Variants in UBN2 observed in about 807,000 individuals in gnomAD.
The protein encoded by UBN2 is ubinuclein-2.
Under a neutral mutation model 120.2 loss-of-function variants are expected in UBN2, and 35 were observed. That is an observed-to-expected ratio of 0.29 (90% confidence interval 0.22 to 0.39). The LOEUF is 0.39. UBN2 is among the 10% of genes least tolerant of loss of function. The probability of loss-of-function intolerance (pLI) is 1.00; values close to 1 mark genes in which losing one functional copy is unlikely to be tolerated. For missense variants in UBN2, 1,693 were observed against 1,663.2 expected (o/e 1.02, Z -0.31); for synonymous variants, 661 against 648.7 (o/e 1.02, Z -0.29).
chr7:139,317,411 C>T, the UBN2 span, among the ~76,000 whole-genome samples: 96 of 152,038 alleles, frequency 6.3e-4, 3 homozygotes, highest in African/African-American at 2.1e-3. Context: ...TTTAAAACTT[C>T]ACGTTTTTTC....
chr7:139,313,958 C>G, the UBN2 span, among the ~76,000 whole-genome samples: 1 of 151,472 alleles, frequency 6.6e-6, no homozygotes, highest in Non-Finnish European at 1.5e-5. Flanking sequence ...AAGTGATTCT[C>G]TTGCCTCAGC....
rs1448233984 is a variant in UBN2 at position 139,302,182 on chromosome 7, C to T, written c.*4346C>T. ...AGGGGATTCAGGAGGAAGAATCTCA[C>T]ACTTGTCAACATCATGTCATGCTGT... is the stretch of plus-strand genomic sequence containing the variant. On this transcript the variant is annotated 3_prime_UTR_variant, in exon 18 of 18. Coordinates refer to ENST00000473989, the MANE Select transcript of UBN2 (RefSeq NM_173569.4). 1 of 152,166 alleles carries T rather than the reference C, an allele frequency of 6.6e-6. No individual in the cohort carries two copies. The highest frequency in any genetic ancestry group is 1.9e-4 in the East Asian group (1 of 5,200). 9.4% of individuals were successfully genotyped at this position (152,166 alleles called of 1,614,324 possible).
intron 15 of UBN2, among the ~76,000 whole-genome samples, chr7:139,285,733 A>ATT (rs1334806579): frequency 1.3e-5 from 2 of 151,674 alleles, no homozygotes; most frequent in African/African-American, 2.4e-5. Context: ...AGAACTCTTT[A>ATT]TTATATATAT....
intron 13 of UBN2, 151 bp from the exon 14 acceptor site, chr7:139,281,854 C>T: frequency 1.6e-6 from 1 of 613,696 alleles, no homozygotes; most frequent in Non-Finnish European, 2.9e-6. Flanking sequence ...TTCTTCTTAG[C>T]AGACATTTGT....
chr7:139,276,257 T>A, intron 12 of UBN2, 110 bp downstream of exon 12: 2 of 1,024,414 alleles, frequency 2.0e-6, no homozygotes, highest in Non-Finnish European at 3.0e-6. Context: ...AAAGATCATT[T>A]TGACCATTGA....
rs767645821 is a variant in UBN2, at chr7:139,283,004, C to T, written c.2119-20C>T. ...TTTATTCACCATTTCTATTTTTTTCCATATGATGCTTTACATTAGGAGTGT... is the reference window on the plus strand; with the variant it reads ...TTTATTCACCATTTCTATTTTTTTCTATATGATGCTTTACATTAGGAGTGT... On this transcript the variant is annotated intron_variant, in intron 14 of 17. Transcript: ENST00000473989. 78 of 1,446,826 alleles carry T rather than the reference C, an allele frequency of 5.4e-5. No homozygotes were observed. The highest frequency in any genetic ancestry group is 9.5e-5 in the South Asian group (6 of 63,260). The allele number at this position is 1,446,826 out of a possible 1,614,324, so 89.6% of individuals were successfully genotyped here.
chr7:139,252,481 C>A (rs573627672), intron 3 of UBN2, among the ~76,000 whole-genome samples: 4 of 152,118 alleles, frequency 2.6e-5, no homozygotes, highest in Admixed American at 6.6e-5. Flanking sequence ...ATTTAAATTT[C>A]ATATAATTTT....
chr7:139,231,288 G>A lies in UBN2; in HGVS notation c.-197G>A, dbSNP rs1187184722. Among the ~76,000 whole-genome samples, 2 of 152,252 alleles carry A rather than the reference G, an allele frequency of 1.3e-5. No individual in the cohort carries two copies. The highest frequency in any genetic ancestry group is 2.9e-5 in the Non-Finnish European group (2 of 68,052). On this transcript the variant is annotated 5_prime_UTR_variant, in exon 1 of 18. Coordinates refer to ENST00000473989, the MANE Select transcript of UBN2 (RefSeq NM_173569.4). ...ACATGGCGGCCGCGGCGACCCTGGC[G>A]ATGGCGGTGAAGCCCATCAGAACGT...
At chr7:139,266,425 A>T (rs1434706068) in intron 7 of UBN2, 22 bp downstream of exon 7, 2 of 1,381,552 alleles carry the variant, frequency 1.4e-6, no homozygotes, top group African/African-American at 2.9e-5. Flanking sequence ...TCTTTAAAAA[A>T]AAAAACCTTA....
rs370546913 is a variant in UBN2, at chr7:139,304,706, GGTGTGTGTGTGTGTGTGTGTGTGT to G, written c.*6881_*6904del. 7.1e-6 allele frequency: 1 copy of G among 140,390 alleles called. No individual in the cohort carries two copies. The highest frequency in any genetic ancestry group is 2.6e-5 in the African/African-American group (1 of 38,034). The allele number at this position is 140,390 out of a possible 1,614,324, so 8.7% of individuals were successfully genotyped here. A position where few individuals can be genotyped will look rare whatever the true frequency, so the allele number is the denominator to read the frequency against. ...AGGTCCACTGAATCTCTAATGATAG[GGTGTGTGTGTGTGTGTGTGTGTGT>G]GTGTGTGTGTCTGTAAGTCACTTTT... On this transcript the variant is annotated 3_prime_UTR_variant, in exon 18 of 18. Transcript: ENST00000473989.
the UBN2 span, among the ~76,000 whole-genome samples, chr7:139,326,885 T>A: frequency 6.6e-6 from 1 of 152,168 alleles, no homozygotes; most frequent in South Asian, 2.1e-4. Context: ...CCTGGGATTG[T>A]TTTCACTGAA....
chr7:139,289,101 A>G (rs577472592), intron 15 of UBN2, among the ~76,000 whole-genome samples: 32 of 152,006 alleles, frequency 2.1e-4, no homozygotes, highest in African/African-American at 7.5e-4. Context: ...CACGGAAAGT[A>G]TTTTTGATTA....
chr7:139,264,064 G>C (rs1291943296), intron 6 of UBN2, among the ~76,000 whole-genome samples: 1 of 152,140 alleles, frequency 6.6e-6, no homozygotes, highest in African/African-American at 2.4e-5. Context: ...TTTATGACCT[G>C]TGATGATTAT....
At chr7:139,235,525 G>A (rs150077199) in intron 1 of UBN2, among the ~76,000 whole-genome samples, 6,920 of 152,194 alleles carry the variant, frequency 0.045, 442 homozygotes, top group Admixed American at 0.19. Context: ...TCCTGTCTCA[G>A]CCTCCCGAGT....
At chr7:139,269,343 C>A (rs1219063246) in intron 7 of UBN2, 51 bp from the exon 8 acceptor site, 1 of 1,568,428 alleles carries the variant, frequency 6.4e-7, no homozygotes, top group Non-Finnish European at 8.6e-7. Context: ...CTGTGCAATG[C>A]CACCTAAAAT....
At chr7:139,234,352 T>TA (rs1415803294) in intron 1 of UBN2, among the ~76,000 whole-genome samples, 2 of 152,188 alleles carry the variant, frequency 1.3e-5, no homozygotes, top group East Asian at 3.8e-4. Flanking sequence ...TGGGTGCATT[T>TA]AAATCAGTTC....
At chr7:139,245,385 A>G (rs1162853832) in intron 2 of UBN2, among the ~76,000 whole-genome samples, 1 of 152,176 alleles carries the variant, frequency 6.6e-6, no homozygotes, top group African/African-American at 2.4e-5. Flanking sequence ...GATTAATACT[A>G]TTATGATCAA....
the UBN2 span, among the ~76,000 whole-genome samples, chr7:139,328,201 G>A: frequency 6.6e-6 from 1 of 152,200 alleles, no homozygotes; most frequent in Non-Finnish European, 1.5e-5. Flanking sequence ...AGTTCCACAT[G>A]GCTGGGGAGG....
intron 12 of UBN2, among the ~76,000 whole-genome samples, chr7:139,277,971 G>C (rs185473742): frequency 2.0e-5 from 3 of 152,006 alleles, no homozygotes; most frequent in Non-Finnish European, 2.9e-5. Context: ...ATGTGAATGT[G>C]GTTTATCTCT....
Sources: allele counts gnomAD v4.1 joint callset (sites outside exome capture counted in the v4.1 genomes callset), GRCh38; gene constraint gnomAD v4.1.1; transcripts MANE v1.5; gene names NCBI Gene and HGNC (gene_info 2026-07-23, HGNC 2026-07-21).